Variants in IL3RA observed in about 807,000 individuals in gnomAD.
The protein encoded by IL3RA is interleukin-3 receptor subunit alpha.
A neutral mutation model predicts 52.3 loss-of-function variants in IL3RA; 73 were observed. That is an observed-to-expected ratio of 1.40 (90% CI 1.16 to 1.70). IL3RA has a LOEUF of 1.70. Among genes scored for constraint, IL3RA ranks in the 40% most tolerant of loss-of-function variants. The probability of loss-of-function intolerance (pLI) is 0.00; values close to 1 mark genes in which losing one functional copy is unlikely to be tolerated. For synonymous variants in IL3RA, 260 were observed against 194.0 expected, an observed-to-expected ratio of 1.34 and a Z score of -2.83; for missense variants, 664 against 504.4, an observed-to-expected ratio of 1.32 and a Z score of -3.03.
chrX:1,363,188 A>G (rs1391777394), intron 8 of IL3RA, among the ~76,000 whole-genome samples: 1 of 152,102 alleles, frequency 6.6e-6, no homozygotes, highest in African/African-American at 2.4e-5. Context: ...CAGGTATTTC[A>G]TCATAAGGCC....
In IL3RA at chrX:1,382,447, G is replaced by C; in HGVS notation, c.1119G>C (p.Gln373His). ...AGGAGTGTCTGGTGACTGAAGTACAGGTCGTGCAGAAAACTTGAGACTGGG... is the reference window on the plus strand; with the variant it reads ...AGGAGTGTCTGGTGACTGAAGTACACGTCGTGCAGAAAACTTGAGACTGGG... ...GLEECLVTEV[Q>H]VVQKT Residue 373 changes from glutamine (Q) to histidine (H), a missense_variant, in exon 12 of 12, where the codon CAG (glutamine) becomes CAC (histidine). Coordinates refer to ENST00000331035, the MANE Select transcript of IL3RA (RefSeq NM_002183.4). 4.3e-6 allele frequency: 7 copies of C among 1,613,932 alleles called. No individual in the cohort carries two copies. Among genetic ancestry groups the C allele is most frequent in the Non-Finnish European group, 5.9e-6 (7 of 1,179,860 alleles).
chrX:1,340,769 T>C (rs2085458654), intron 1 of IL3RA, among the ~76,000 whole-genome samples: 2 of 152,096 alleles, frequency 1.3e-5, no homozygotes, highest in Non-Finnish European at 2.9e-5. Flanking sequence ...GCGGATCACC[T>C]GAGGCAGGAG....
chrX:1,368,791 C>A (rs1228337568), intron 9 of IL3RA, among the ~76,000 whole-genome samples: 1 of 125,938 alleles, frequency 7.9e-6, no homozygotes. Context: ...TCTCAGACCT[C>A]CAGCCTCCAG....
chrX:1,353,119 AC>A (rs2148976541), intron 6 of IL3RA, among the ~76,000 whole-genome samples: 1 of 137,768 alleles, frequency 7.3e-6, no homozygotes, highest in East Asian at 2.2e-4. Context: ...GGGTCATGGG[AC>A]ACCCCCCATC....
At chrX:1,339,709 T>C (rs1317336902) in intron 1 of IL3RA, among the ~76,000 whole-genome samples, 1 of 151,992 alleles carries the variant, frequency 6.6e-6, no homozygotes, top group African/African-American at 2.4e-5. Flanking sequence ...GGAGAATCGC[T>C]TGAACGTGGG....
chrX:1,378,050 G>T lies in IL3RA; in HGVS notation c.875-609G>T, dbSNP rs189158849. On this transcript the variant is annotated intron_variant, in intron 9 of 11. Coordinates refer to ENST00000331035, the MANE Select transcript of IL3RA (RefSeq NM_002183.4). ...GAAATACAAAAATTACCCGGGCGTGGTGGCGGGCGCCTGTAGTCCCAGCTA... is the reference window on the plus strand; with the variant it reads ...GAAATACAAAAATTACCCGGGCGTGTTGGCGGGCGCCTGTAGTCCCAGCTA... Among the ~76,000 whole-genome samples the T allele has an allele frequency of 1.1e-3, 165 of 151,184 alleles. 1 individual carries two copies. Among genetic ancestry groups the T allele is most frequent in the Admixed American group, 3.4e-3 (52 of 15,190 alleles).
At chrX:1,364,935 A>G (rs1308454108) in intron 8 of IL3RA, among the ~76,000 whole-genome samples, 1 of 151,808 alleles carries the variant, frequency 6.6e-6, no homozygotes, top group Non-Finnish European at 1.5e-5. Context: ...CAGCCTCCTG[A>G]GTAGCTGGGA....
At chrX:1,339,302 TTGCCTTGGAGGTGGGCTGCGGTCCCTC>T (rs2085403167) in intron 1 of IL3RA, among the ~76,000 whole-genome samples, 2 of 152,158 alleles carry the variant, frequency 1.3e-5, no homozygotes, top group Non-Finnish European at 2.9e-5. Context: ...AGATTGCCTG[TTGCCTTGGAGGTGGGCTGCGGTCCCTC>T]TGCCCAGGCA....
rs1469536768 is a variant in IL3RA at position 1,382,338 on chromosome X, GCT to G, written c.1063-50_1063-49del. On this transcript the variant is annotated intron_variant, in intron 11 of 11. Transcript: ENST00000331035. Reference sequence around the variant, plus strand: ...CAGGCCCCCGCAGATCAGGACGTGGGCTCTGTTATCTGGGGGGTGGCCGACTC... The same window carrying G: ...CAGGCCCCCGCAGATCAGGACGTGGGCTGTTATCTGGGGGGTGGCCGACTC... 5.5e-5 allele frequency: 70 copies of G among 1,269,374 alleles called. No individual in the cohort carries two copies. In the African/African-American group the frequency reaches 1.0e-3, roughly 18 times the overall value. The allele number at this position is 1,269,374 out of a possible 1,614,324, so 78.6% of individuals were successfully genotyped here. A position where few individuals can be genotyped will look rare whatever the true frequency, so the allele number is the denominator to read the frequency against.
intron 1 of IL3RA, 26 bp from the exon 2 acceptor site, chrX:1,341,702 C>A: frequency 6.3e-7 from 1 of 1,591,892 alleles, no homozygotes; most frequent in Non-Finnish European, 8.6e-7. Flanking sequence ...CCAGTCCCCG[C>A]TGCCTGACTC....
Position 1,357,274 on chromosome X carries a change from T to C in IL3RA, c.732+938T>C, listed in dbSNP as rs146277635. ...CAGCCTATGTGTTATATTTAGTTTGTATTTTATTTTATTGTATTTTATTAT... is the reference window on the plus strand; with the variant it reads ...CAGCCTATGTGTTATATTTAGTTTGCATTTTATTTTATTGTATTTTATTAT... On this transcript the variant is annotated intron_variant, in intron 7 of 11. Transcript: ENST00000331035. Among the ~76,000 whole-genome samples, 497 of 151,792 alleles carry C rather than the reference T, an allele frequency of 3.3e-3. 6 individuals carry two copies. The highest frequency in any genetic ancestry group is 0.011 in the African/African-American group (472 of 41,410).
At chrX:1,361,738 G>C (rs1177174623) in intron 8 of IL3RA, among the ~76,000 whole-genome samples, 1 of 135,890 alleles carries the variant, frequency 7.4e-6, no homozygotes, top group Non-Finnish European at 1.5e-5. Flanking sequence ...GGGTGACAGA[G>C]TGAGACTCCG....
At chrX:1,377,437 C>T (rs1324186573) in intron 9 of IL3RA, among the ~76,000 whole-genome samples, 6 of 151,942 alleles carry the variant, frequency 3.9e-5, no homozygotes, top group Admixed American at 3.9e-4. Flanking sequence ...GACGGGCTTT[C>T]TGGCCATGTT....
At chrX:1,380,821 TTTAA>T (rs1450232383) in intron 10 of IL3RA, among the ~76,000 whole-genome samples, 198 bp from the exon 11 acceptor site, 5 of 151,620 alleles carry the variant, frequency 3.3e-5, no homozygotes, top group African/African-American at 1.2e-4. Flanking sequence ...GCCCTACTCC[TTTAA>T]TTAGACACCA....
In IL3RA at chrX:1,365,194, A is replaced by G; in HGVS notation, c.816A>G (p.Ile272Met). ...ATCCTGGAACGTACACAGTACAAAT[A>G]AGAGCCCGGGAAAGAGTGTATGAAT... is the stretch of plus-strand genomic sequence containing the variant. Reference protein sequence around the residue: ...LLNPGTYTVQIRARERVYEFL... With the variant: ...LLNPGTYTVQMRARERVYEFL... The change falls in exon 9 of 12, where the codon ATA becomes ATG. Residue 272 changes from isoleucine to methionine, a missense_variant. Physicochemically the swap from Ile to Met is conservative, Grantham distance 10. Transcript: ENST00000331035. The G allele has an allele frequency of 6.2e-7, 1 of 1,610,800 alleles. No individual in the cohort carries two copies. Among genetic ancestry groups the G allele is most frequent in the Non-Finnish European group, 8.5e-7 (1 of 1,178,654 alleles).
chrX:1,362,144 G>C (rs2087463421), intron 8 of IL3RA, among the ~76,000 whole-genome samples: 2 of 124,320 alleles, frequency 1.6e-5, no homozygotes, highest in South Asian at 5.6e-4. Context: ...CTCTGTTTCT[G>C]TTTTTCTGTT....
intron 8 of IL3RA, among the ~76,000 whole-genome samples, chrX:1,364,776 C>A (rs1272627205): frequency 6.9e-6 from 1 of 144,352 alleles, no homozygotes; most frequent in Non-Finnish European, 1.6e-5. Flanking sequence ...TAGCACCCAG[C>A]CCCTCTTTTC....
rs372244607 is a variant in IL3RA at position 1,350,279 on chromosome X, A to T, written c.298+1734A>T. On this transcript the variant is annotated intron_variant, in intron 4 of 11. Coordinates refer to ENST00000331035, the MANE Select transcript of IL3RA (RefSeq NM_002183.4). ...AGACCAGCCTGGCCAACATGGTGAA[A>T]CCCCGTCTCTACTAAAAACACAAAA... is the stretch of plus-strand genomic sequence containing the variant. Among the ~76,000 whole-genome samples the T allele has an allele frequency of 4.7e-5, 7 of 149,392 alleles. No individual in the cohort carries two copies. The East Asian group carries it at 1.2e-3, about 26-fold the overall frequency.
chrX:1,381,692 G>T (rs1247926106), intron 11 of IL3RA, among the ~76,000 whole-genome samples: 2 of 151,410 alleles, frequency 1.3e-5, no homozygotes, highest in African/African-American at 2.4e-5. Context: ...CTACAGGCAC[G>T]CACCGACACG....
Sources: gnomAD v4.1 joint callset for allele counts (sites outside exome capture counted in the v4.1 genomes callset) on GRCh38, gnomAD v4.1.1 for gene constraint, MANE v1.5 for transcripts, NCBI Gene and HGNC (gene_info 2026-07-23, HGNC 2026-07-21) for gene names.